Variants in PSME4 observed in about 807,000 individuals in gnomAD.
The protein encoded by PSME4 is proteasome activator complex subunit 4.
In PSME4, 89 loss-of-function variants were observed where a neutral mutation model predicts 253.9. The observed-to-expected ratio is 0.35, with a 90% CI of 0.30 to 0.42. The LOEUF (loss-of-function observed/expected upper bound fraction) is 0.42. PSME4 is among the 10% of genes least tolerant of loss of function. The pLI is 1.00. For synonymous variants in PSME4, 851 were observed against 759.2 expected, an observed-to-expected ratio of 1.12 and a Z score of -1.99; for missense variants, 2,014 against 2,195.2, an observed-to-expected ratio of 0.92 and a Z score of 1.65.
At chr2:53,939,204 T>C (rs919511735) in intron 4 of PSME4, among the ~76,000 whole-genome samples, 2 of 152,122 alleles carry the variant, frequency 1.3e-5, no homozygotes, top group African/African-American at 2.4e-5. Flanking sequence ...GCAATAAATA[T>C]CCGATTTATT....
At chr2:53,920,126 C>A in intron 19 of PSME4, 67 bp downstream of exon 19, 1 of 1,370,584 alleles carries the variant, frequency 7.3e-7, no homozygotes, top group Non-Finnish European at 9.8e-7. Context: ...AGATATGCCA[C>A]AGATAAAGCC....
intron 32 of PSME4, among the ~76,000 whole-genome samples, chr2:53,896,034 T>G (rs1312922631): frequency 6.6e-6 from 1 of 152,134 alleles, no homozygotes; most frequent in African/African-American, 2.4e-5. Flanking sequence ...AGATTTGAAA[T>G]AATAATTTCA....
chr2:53,937,147 T>C (rs1251351008), intron 5 of PSME4, among the ~76,000 whole-genome samples: 1 of 152,178 alleles, frequency 6.6e-6, no homozygotes, highest in Admixed American at 6.5e-5. Context: ...TTCCTGTTAT[T>C]ACCCCTTCTG....
Position 53,890,137 on chromosome 2 carries a change from A to G in PSME4, c.4263T>C (p.Tyr1421=), listed in dbSNP as rs200012441. ...TALSNITVET[Y]NDWGACIATS... is the part of the protein sequence containing the mutation. ...TTGCTATACAAGCTCCCCAGTCATT[A>G]TAAGTTTCTACGGTAATATTGGACA... Residue 1421 remains tyrosine (Y), a synonymous_variant, in exon 37 of 47, where the codon TAT becomes TAC. Coordinates refer to ENST00000404125, the MANE Select transcript of PSME4 (RefSeq NM_014614.3). The G allele has an allele frequency of 2.2e-5, 36 of 1,613,808 alleles. No homozygotes were observed. The highest frequency in any genetic ancestry group is 9.3e-5 in the African/African-American group (7 of 74,916).
At chr2:53,889,096 C>A (rs1044277755) in intron 37 of PSME4, among the ~76,000 whole-genome samples, 1 of 152,024 alleles carries the variant, frequency 6.6e-6, no homozygotes, top group African/African-American at 2.4e-5. Context: ...AACTCCTGGC[C>A]CCAAGCTATC....
chr2:53,925,682 C>T lies in PSME4; in HGVS notation c.1666G>A (p.Gly556Arg). ...TCCAATGTGCTACTTTCTATAAGTC[C>T]AAAACATCTAAATAATCCAAACAAA... ...FVLQFMDRCF[G>R]LIESSTLEQT... The change falls in exon 14 of 47, where the codon GGA becomes AGA. Residue 556 changes from glycine (G) to arginine (R), a missense_variant. Physicochemically the swap from Gly to Arg is moderately radical, Grantham distance 125. Transcript: ENST00000404125. 6.3e-7 allele frequency: 1 copy of T among 1,599,422 alleles called. No individual in the cohort carries two copies. The highest frequency in any genetic ancestry group is 8.6e-7 in the Non-Finnish European group (1 of 1,169,378).
intron 20 of PSME4, among the ~76,000 whole-genome samples, chr2:53,913,119 A>G (rs1667902976): frequency 3.3e-5 from 5 of 152,226 alleles, no homozygotes; most frequent in Admixed American, 2.6e-4. Context: ...ACAATTCAAA[A>G]AAATAATTCC....
At chr2:53,894,710 C>T (rs573170200) in intron 34 of PSME4, among the ~76,000 whole-genome samples, 7 of 150,638 alleles carry the variant, frequency 4.6e-5, no homozygotes, top group South Asian at 2.1e-4. Context: ...TCCTTCAAAA[C>T]GCTTGTATCA....
intron 1 of PSME4, among the ~76,000 whole-genome samples, chr2:53,960,826 G>A (rs527389818): frequency 6.6e-6 from 1 of 152,280 alleles, no homozygotes; most frequent in East Asian, 1.9e-4. Context: ...CCACTGGACT[G>A]GCCAGGCGCG....
intron 20 of PSME4, among the ~76,000 whole-genome samples, chr2:53,913,284 T>C (rs1016726354): frequency 3.3e-5 from 5 of 152,140 alleles, no homozygotes; most frequent in Non-Finnish European, 7.4e-5. Flanking sequence ...TCAACAACTA[T>C]AGTATTCGTA....
chr2:53,891,903 G>A (rs536621617), intron 36 of PSME4, among the ~76,000 whole-genome samples: 4 of 151,846 alleles, frequency 2.6e-5, no homozygotes, highest in East Asian at 3.9e-4. Context: ...GAAGATGGAC[G>A]GATGGATGGA....
intron 3 of PSME4, among the ~76,000 whole-genome samples, chr2:53,943,725 C>G (rs1275505514): frequency 6.6e-6 from 1 of 151,482 alleles, no homozygotes; most frequent in Admixed American, 6.6e-5. Flanking sequence ...ACCTGTAATC[C>G]CAGCTACTCA....
chr2:53,899,543 C>T (rs530404373), intron 29 of PSME4, among the ~76,000 whole-genome samples: 5 of 152,058 alleles, frequency 3.3e-5, no homozygotes, highest in South Asian at 2.1e-4. Flanking sequence ...ATCGGCCAGG[C>T]GCAGTGGCTC....
chr2:53,938,092 T>C (rs1040671731), intron 4 of PSME4, among the ~76,000 whole-genome samples: 8 of 152,166 alleles, frequency 5.3e-5, no homozygotes, highest in African/African-American at 1.7e-4. Flanking sequence ...AAAACTCAGA[T>C]AAAATACAAG....
chr2:53,921,757 A>G (rs981938992), intron 17 of PSME4, among the ~76,000 whole-genome samples: 5 of 139,730 alleles, frequency 3.6e-5, no homozygotes, highest in Non-Finnish European at 7.8e-5. Flanking sequence ...AGTCCCAGCT[A>G]CTTGGGAGGC....
In PSME4 at chr2:53,908,560, T is replaced by C. The variant is rs1158363117; in HGVS notation, c.2635A>G (p.Ile879Val). 3.7e-6 allele frequency: 6 copies of C among 1,605,106 alleles called. No individual in the cohort carries two copies. Among genetic ancestry groups the C allele is most frequent in the Non-Finnish European group, 4.3e-6 (5 of 1,176,322 alleles). The change falls in exon 23 of 47, where the codon ATA becomes GTA. Residue 879 changes from isoleucine to valine, a missense_variant. By Grantham distance (29) the Ile-to-Val change is conservative. This residue lies in a region of PSME4 where 989 missense variants were observed against 1,021.1 expected (regional missense o/e 0.97). Coordinates refer to ENST00000404125, the MANE Select transcript of PSME4 (RefSeq NM_014614.3). Reference sequence around the variant, plus strand: ...GTATCATCTTCTGAATTATCAAGTATGTGGTCTATAATGGAAGAAAGAAAA... The same window carrying C: ...GTATCATCTTCTGAATTATCAAGTACGTGGTCTATAATGGAAGAAAGAAAA... ...ATVIRKLLNHILDNSEDDTKS... is the reference protein window; with the variant it reads ...ATVIRKLLNHVLDNSEDDTKS...
rs545203627 is a variant in PSME4 at position 53,865,385 on chromosome 2, C to G, written c.*193G>C. On this transcript the variant is annotated 3_prime_UTR_variant, in exon 47 of 47. Coordinates refer to ENST00000404125, the MANE Select transcript of PSME4 (RefSeq NM_014614.3). ...GTGATCAGTATTCTGGAAACACTTC[C>G]GGACAAGTTGGGAAATCAAATGGCA... is the stretch of plus-strand genomic sequence containing the variant. 6.6e-6 allele frequency: 1 copy of G among 152,426 alleles called. No homozygotes were observed. The highest frequency in any genetic ancestry group is 2.4e-5 in the African/African-American group (1 of 41,478). The allele number at this position is 152,426 out of a possible 1,614,324, so 9.4% of individuals were successfully genotyped here.
intron 1 of PSME4, among the ~76,000 whole-genome samples, chr2:53,951,781 A>C (rs2104479003): frequency 6.6e-6 from 1 of 152,340 alleles, no homozygotes; most frequent in East Asian, 1.9e-4. Context: ...ATAAAACCTC[A>C]AAAAATCCAA....
At position 53,970,728 on chromosome 2, in the gene PSME4, G is replaced by T; in HGVS notation, c.57C>A (p.Pro19=). ...VGEPPEPGGR[P]EPGPRGFVPQ... ...GGACGAAGCCCCGCGGGCCCGGCTC[G>T]GGACGCCCGCCCGGCTCCGGGGGCT... Residue 19 remains proline (P), a synonymous_variant, in exon 1 of 47, where the codon CCC becomes CCA. Transcript: ENST00000404125. 1 of 1,547,634 alleles carries T rather than the reference G, an allele frequency of 6.5e-7. No individual in the cohort carries two copies. Among genetic ancestry groups the T allele is most frequent in the Non-Finnish European group, 8.7e-7 (1 of 1,145,968 alleles).
Sources: gnomAD v4.1 joint callset for allele counts (sites outside exome capture counted in the v4.1 genomes callset) on GRCh38, gnomAD v4.1.1 for gene constraint, gnomAD v4.1.1 regional missense constraint, MANE v1.5 for transcripts, NCBI Gene and HGNC (gene_info 2026-07-23, HGNC 2026-07-21) for gene names.